The following CADM2 variants were observed in gnomAD, a reference collection of about 807,000 sequenced individuals.
CADM2 encodes the protein cell adhesion molecule 2.
In CADM2, 12 loss-of-function variants were observed where a neutral mutation model predicts 49.8. The observed-to-expected ratio is 0.24, with a 90% CI of 0.15 to 0.39. The LOEUF is 0.39. Ranked by LOEUF, CADM2 falls within the 10% of genes least tolerant of loss-of-function variation. CADM2 has a pLI of 1.00. For synonymous variants in CADM2, 214 were observed against 175.4 expected (o/e 1.22, Z -1.74); for missense variants, 378 against 492.3 (o/e 0.77, Z 2.20).
intron 1 of CADM2, among the ~76,000 whole-genome samples, chr3:85,127,418 G>A (rs1364736891): frequency 6.6e-6 from 1 of 152,140 alleles, no homozygotes; most frequent in Non-Finnish European, 1.5e-5. Flanking sequence ...TGAAATGTGG[G>A]CTTTCGTAAA....
intron 5 of CADM2, among the ~76,000 whole-genome samples, chr3:85,895,632 T>C (rs1326230459): frequency 6.6e-6 from 1 of 152,162 alleles, no homozygotes; most frequent in Non-Finnish European, 1.5e-5. Context: ...TCTTGAATTG[T>C]AGCTCCCATA....
chr3:85,833,285 T>C (rs865832484), intron 3 of CADM2, among the ~76,000 whole-genome samples: 381 of 151,512 alleles, frequency 2.5e-3, no homozygotes, highest in African/African-American at 8.9e-3. Flanking sequence ...TTCTTTGTTG[T>C]TGTTGTTGTT....
intron 6 of CADM2, among the ~76,000 whole-genome samples, chr3:85,935,414 C>T (rs1359211664): frequency 6.6e-6 from 1 of 151,966 alleles, no homozygotes; most frequent in Admixed American, 6.6e-5. Context: ...ATGCATTCAG[C>T]CCATAATAAT....
intron 1 of CADM2, chr3:85,385,709 A>T (rs529518154): frequency 1.7e-4 from 26 of 151,296 alleles, no homozygotes; most frequent in African/African-American, 6.1e-4. Context: ...ATACCCTTTG[A>T]GAAACACTTT....
intron 1 of CADM2, among the ~76,000 whole-genome samples, chr3:85,124,038 G>C (rs1196625686): frequency 6.6e-6 from 1 of 152,122 alleles, no homozygotes; most frequent in Non-Finnish European, 1.5e-5. Flanking sequence ...AGCACACTGA[G>C]TTATTTCCTG....
intron 1 of CADM2, among the ~76,000 whole-genome samples, chr3:85,287,810 A>T (rs958869613): frequency 6.6e-6 from 1 of 152,112 alleles, no homozygotes; most frequent in African/African-American, 2.4e-5. Flanking sequence ...AGAGTCAATC[A>T]GTTGTAGCTT....
intron 5 of CADM2, among the ~76,000 whole-genome samples, chr3:85,899,453 G>A (rs1374988243): frequency 4.6e-5 from 7 of 151,764 alleles, no homozygotes; most frequent in Admixed American, 6.6e-5. Flanking sequence ...AATTATTTTC[G>A]GGTCAGTTTC....
intron 1 of CADM2, among the ~76,000 whole-genome samples, chr3:85,695,262 G>A (rs900774448): frequency 1.3e-5 from 2 of 152,034 alleles, no homozygotes; most frequent in African/African-American, 4.8e-5. Flanking sequence ...TGAAATTCGG[G>A]CTTTTAGTGT....
intron 1 of CADM2, among the ~76,000 whole-genome samples, chr3:85,300,008 C>G (rs1269628790): frequency 6.6e-6 from 1 of 151,994 alleles, no homozygotes; most frequent in Non-Finnish European, 1.5e-5. Context: ...AAAGATTTTT[C>G]TAAAAATTGT....
At chr3:85,969,686 C>T (rs774235248) in intron 8 of CADM2, among the ~76,000 whole-genome samples, 3 of 150,588 alleles carry the variant, frequency 2.0e-5, no homozygotes, top group Non-Finnish European at 4.4e-5. Context: ...ATATTATATG[C>T]CCTCACACTA....
At position 85,370,841 on chromosome 3, in the gene CADM2, T is replaced by A. The variant is rs117692762; in HGVS notation, c.62-355681T>A. On this transcript the variant is annotated intron_variant, in intron 1 of 9. Transcript: ENST00000383699. ...GAAGACTTTCCACTGGGACAAAATA[T>A]GGAGTTAGAAAGAAGTGATGCTGAT... Among the ~76,000 whole-genome samples the A allele has an allele frequency of 2.8e-4, 43 of 152,148 alleles. No homozygotes were observed. In the East Asian group the frequency reaches 7.9e-3, roughly 28 times the overall value.
intron 3 of CADM2, among the ~76,000 whole-genome samples, chr3:85,880,526 A>G (rs1712597044): frequency 6.6e-6 from 1 of 152,146 alleles, no homozygotes; most frequent in African/African-American, 2.4e-5. Flanking sequence ...TTCTAAGAAC[A>G]TATTTATTTC....
At chr3:85,856,533 A>T (rs2075323964) in intron 3 of CADM2, among the ~76,000 whole-genome samples, 1 of 152,198 alleles carries the variant, frequency 6.6e-6, no homozygotes, top group South Asian at 2.1e-4. Flanking sequence ...TAGGCTATTT[A>T]ATATTTTCTT....
chr3:85,011,173 C>CTT (rs201193246), intron 1 of CADM2, among the ~76,000 whole-genome samples: 1 of 151,604 alleles, frequency 6.6e-6, no homozygotes, highest in Admixed American at 6.6e-5. Flanking sequence ...CTGTTTATGT[C>CTT]TTTTTTTTGT....
intron 1 of CADM2, among the ~76,000 whole-genome samples, chr3:85,528,197 C>T (rs988881755): frequency 6.6e-6 from 1 of 152,182 alleles, no homozygotes; most frequent in East Asian, 1.9e-4. Flanking sequence ...TTCCTGTTGT[C>T]ATTATCACAG....
rs114845421 is a variant in CADM2 at position 85,608,062 on chromosome 3, T to A, written c.62-118460T>A. 5.2e-3 allele frequency among the ~76,000 whole-genome samples: 797 copies of A among 152,294 alleles called. 4 individuals are homozygous for A. Among genetic ancestry groups the A allele is most frequent in the Middle Eastern group, 0.01 (3 of 294 alleles). ...AAAAAATGTGATATAATGTTTATCC[T>A]AGCCACTGTGTATAGAGAAGCTTAA... On this transcript the variant is annotated intron_variant, in intron 1 of 9. Coordinates refer to ENST00000383699, the MANE Select transcript of CADM2 (RefSeq NM_001167675.2).
chr3:85,400,960 G>T (rs1461905945), intron 1 of CADM2, among the ~76,000 whole-genome samples: 1 of 152,122 alleles, frequency 6.6e-6, no homozygotes, highest in South Asian at 2.1e-4. Context: ...AAAGAATCCT[G>T]ACCAAAATCC....
intron 8 of CADM2, among the ~76,000 whole-genome samples, chr3:85,989,768 T>C (rs1421074302): frequency 6.6e-6 from 1 of 151,934 alleles, no homozygotes; most frequent in East Asian, 1.9e-4. Context: ...ATCCCAGCAC[T>C]TTTGGAGGCT....
At chr3:85,305,020 G>A (rs2044181485) in intron 1 of CADM2, among the ~76,000 whole-genome samples, 1 of 151,604 alleles carries the variant, frequency 6.6e-6, no homozygotes, top group Non-Finnish European at 1.5e-5. Context: ...GCAATTGACA[G>A]TTTACAGAAC....
Sources: gnomAD v4.1 joint callset for allele counts (sites outside exome capture counted in the v4.1 genomes callset) on GRCh38, gnomAD v4.1.1 for gene constraint, MANE v1.5 for transcripts, NCBI Gene and HGNC (gene_info 2026-07-23, HGNC 2026-07-21) for gene names.